The following PCCA variants were observed in gnomAD, a reference collection of about 807,000 sequenced individuals.
PCCA encodes the protein propionyl-CoA carboxylase subunit alpha, also known as propionyl-CoA carboxylase alpha chain, mitochondrial.
In PCCA, 74 loss-of-function variants were observed where a neutral mutation model predicts 101.3. The observed-to-expected ratio is 0.73, with a 90% confidence interval of 0.61 to 0.89. The LOEUF (loss-of-function observed/expected upper bound fraction) is 0.89, where lower values mean the gene tolerates loss of function less well. PCCA is among the 40% of genes least tolerant of loss of function. The probability of loss-of-function intolerance (pLI) is 0.00; values close to 1 mark genes in which losing one functional copy is unlikely to be tolerated. For synonymous variants in PCCA, 294 were observed against 313.6 expected, an observed-to-expected ratio of 0.94 and a Z score of 0.66; for missense variants, 891 against 907.0, an observed-to-expected ratio of 0.98 and a Z score of 0.23.
At chr13:100,232,045 A>G (rs1430320607) in intron 7 of PCCA, among the ~76,000 whole-genome samples, 1 of 152,132 alleles carries the variant, frequency 6.6e-6, no homozygotes, top group Non-Finnish European at 1.5e-5. Context: ...TTTACAGTGT[A>G]AGAGTTACTC....
chr13:100,280,343 G>C (rs1176384655), intron 12 of PCCA, among the ~76,000 whole-genome samples: 1 of 149,262 alleles, frequency 6.7e-6, no homozygotes, highest in African/African-American at 2.5e-5. Context: ...CCAGAGTCCT[G>C]TTTCTTGCCA....
intron 19 of PCCA, among the ~76,000 whole-genome samples, chr13:100,386,960 G>A (rs1026630058): frequency 1.1e-4 from 16 of 152,124 alleles, no homozygotes; most frequent in African/African-American, 3.6e-4. Flanking sequence ...TTGTGCAGTG[G>A]AAGGGTCTGT....
intron 10 of PCCA, 165 bp from the exon 11 acceptor site, chr13:100,268,524 T>C (rs200894898): frequency 2.8e-5 from 20 of 715,224 alleles, no homozygotes; most frequent in Non-Finnish European, 4.6e-5. Flanking sequence ...GTAATAAATA[T>C]AGTTTTCCTT....
chr13:100,226,228 G>A (rs1320775897), intron 7 of PCCA, among the ~76,000 whole-genome samples: 9 of 152,194 alleles, frequency 5.9e-5, no homozygotes, highest in Non-Finnish European at 2.9e-5. Context: ...TATGAATGCA[G>A]AATAGTTTGA....
intron 10 of PCCA, among the ~76,000 whole-genome samples, chr13:100,267,216 G>T (rs1288282133): frequency 1.3e-5 from 2 of 152,020 alleles, no homozygotes; most frequent in Non-Finnish European, 2.9e-5. Context: ...TTACTTTCTT[G>T]TCAACTAGAA....
intron 19 of PCCA, among the ~76,000 whole-genome samples, chr13:100,374,365 C>T (rs2075767610): frequency 6.6e-6 from 1 of 152,014 alleles, no homozygotes; most frequent in Admixed American, 6.6e-5. Flanking sequence ...CCGAAAAGTA[C>T]CCAATAACAA....
intron 6 of PCCA, among the ~76,000 whole-genome samples, chr13:100,189,411 G>A (rs1566668018): frequency 6.6e-6 from 1 of 152,166 alleles, no homozygotes; most frequent in African/African-American, 2.4e-5. Flanking sequence ...CCCAGTAATG[G>A]AATTGCTGCT....
At chr13:100,303,041 T>A in intron 14 of PCCA, 43 bp downstream of exon 14, 1 of 1,061,122 alleles carries the variant, frequency 9.4e-7, no homozygotes, top group Admixed American at 1.7e-5. Flanking sequence ...GTTAAAATCG[T>A]GATTTATGTC....
chr13:100,431,977 G>A (rs2079584692), intron 20 of PCCA, among the ~76,000 whole-genome samples: 1 of 152,084 alleles, frequency 6.6e-6, no homozygotes, highest in Non-Finnish European at 1.5e-5. Flanking sequence ...ATCACCTGAG[G>A]TAAGGCGTTT....
chr13:100,146,248 T>C (rs1434305431), intron 4 of PCCA, among the ~76,000 whole-genome samples: 2 of 151,210 alleles, frequency 1.3e-5, no homozygotes, highest in African/African-American at 4.8e-5. Flanking sequence ...CCAGCTTTGC[T>C]TTTTTATAAG....
intron 21 of PCCA, among the ~76,000 whole-genome samples, chr13:100,458,936 A>G (rs961477686): frequency 2.0e-5 from 3 of 152,064 alleles, no homozygotes; most frequent in African/African-American, 7.2e-5. Context: ...AAATAACAGA[A>G]ATGTGTTCCT....
At chr13:100,098,784 C>T (rs1380785710) in intron 1 of PCCA, among the ~76,000 whole-genome samples, 2 of 152,152 alleles carry the variant, frequency 1.3e-5, no homozygotes, top group African/African-American at 4.8e-5. Context: ...TTGAACATCT[C>T]TCTCAAATAT....
In PCCA at chr13:100,235,980, A is replaced by G. The variant is rs539158; in HGVS notation, c.637+102A>G. ...TTCCCATAGAGCAAATAATACTTTA[A>G]TAGTTTTAGATTTTGATTACTTGTT... On this transcript the variant is annotated intron_variant, in intron 8 of 23. Coordinates refer to ENST00000376285, the MANE Select transcript of PCCA (RefSeq NM_000282.4). 118,405 of 783,576 alleles carry G rather than the reference A, an allele frequency of 0.15. 9,785 individuals are homozygous for G. The highest frequency in any genetic ancestry group is 0.2 in the Middle Eastern group (855 of 4,318). 48.5% of individuals were successfully genotyped at this position (783,576 alleles called of 1,614,324 possible).
At chr13:100,241,225 G>A (rs1045276618) in intron 8 of PCCA, among the ~76,000 whole-genome samples, 1 of 152,014 alleles carries the variant, frequency 6.6e-6, no homozygotes, top group Non-Finnish European at 1.5e-5. Context: ...AAGAAACTCT[G>A]TACTCATTAG....
intron 1 of PCCA, among the ~76,000 whole-genome samples, chr13:100,094,926 C>T (rs569739790): frequency 3.3e-5 from 5 of 152,278 alleles, no homozygotes; most frequent in East Asian, 3.9e-4. Context: ...CTTTGGTTTC[C>T]TAGAGCTGCT....
chr13:100,154,998 A>T lies in PCCA; in HGVS notation c.320A>T (p.Asp107Val). 1 of 1,613,894 alleles carries T rather than the reference A, an allele frequency of 6.2e-7. No individual in the cohort carries two copies. Among genetic ancestry groups the T allele is most frequent in the South Asian group, 1.1e-5 (1 of 91,080 alleles). The change falls in exon 5 of 24, where the codon GAT becomes GTT. Residue 107 changes from aspartate to valine, a missense_variant. Asp to Val is a radical substitution (Grantham distance 152, BLOSUM62 -3). Transcript: ENST00000376285. ...DASSVHVKMA[D>V]EAVCVGPAPT... ...CCTCAGGTTCATGTGAAAATGGCGGATGAGGCTGTCTGTGTTGGCCCAGCT... is the reference window on the plus strand; with the variant it reads ...CCTCAGGTTCATGTGAAAATGGCGGTTGAGGCTGTCTGTGTTGGCCCAGCT...
chr13:100,286,756 T>A (rs2064702964), intron 12 of PCCA, among the ~76,000 whole-genome samples: 1 of 152,088 alleles, frequency 6.6e-6, no homozygotes, highest in Admixed American at 6.5e-5. Flanking sequence ...CCTTTTTTTT[T>A]TTTTTAATGT....
intron 6 of PCCA, among the ~76,000 whole-genome samples, chr13:100,205,225 T>C (rs1051618077): frequency 6.6e-6 from 1 of 152,160 alleles, no homozygotes; most frequent in Non-Finnish European, 1.5e-5. Context: ...TGGCCTTTTA[T>C]TCTAAGTCAC....
chr13:100,196,610 A>G (rs770339780), intron 6 of PCCA, among the ~76,000 whole-genome samples: 2 of 152,272 alleles, frequency 1.3e-5, no homozygotes, highest in African/African-American at 2.4e-5. Context: ...GATCCCAGTA[A>G]TACTGAAACA....
Sources: gnomAD v4.1 joint callset for allele counts (sites outside exome capture counted in the v4.1 genomes callset) on GRCh38, gnomAD v4.1.1 for gene constraint, MANE v1.5 for transcripts, NCBI Gene and HGNC (gene_info 2026-07-23, HGNC 2026-07-21) for gene names.